The following KLF12 variants were observed in gnomAD, a reference collection of about 807,000 sequenced individuals.
The protein encoded by KLF12 is Krueppel-like factor 12.
A neutral mutation model predicts 37.8 loss-of-function variants in KLF12; 9 were observed. That is an observed-to-expected ratio of 0.24 (90% CI 0.14 to 0.42). KLF12 has a LOEUF of 0.42. Among genes scored for constraint, KLF12 ranks in the 10% least tolerant of loss-of-function variants. The probability of loss-of-function intolerance (pLI) is 1.00; values close to 1 mark genes in which losing one functional copy is unlikely to be tolerated. For synonymous variants in KLF12, 208 were observed against 202.1 expected (o/e 1.03, Z -0.25); for missense variants, 411 against 516.0 (o/e 0.80, Z 1.97).
chr13:74,302,795 C>T, the KLF12 span, among the ~76,000 whole-genome samples: 5 of 152,024 alleles, frequency 3.3e-5, no homozygotes, highest in African/African-American at 9.7e-5. Context: ...ACAGGGACAC[C>T]TTCTAAAAGG....
chr13:74,037,801 G>C (rs953333238), intron 1 of KLF12, among the ~76,000 whole-genome samples: 1 of 152,118 alleles, frequency 6.6e-6, no homozygotes. Flanking sequence ...TCTGTGGACT[G>C]GGCAATGAAT....
chr13:74,298,667 T>A, the KLF12 span, among the ~76,000 whole-genome samples: 1 of 152,208 alleles, frequency 6.6e-6, no homozygotes, highest in Non-Finnish European at 1.5e-5. Context: ...AAGTATAATG[T>A]CTTAAATTCT....
chr13:73,813,150 A>C lies in KLF12; in HGVS notation c.806+2T>G. ...AATTCATCCTGTGAATGTGATACTTACTCTTGTACTGCTCTGGCTATGGAA... is the reference window on the plus strand; with the variant it reads ...AATTCATCCTGTGAATGTGATACTTCCTCTTGTACTGCTCTGGCTATGGAA... On this transcript the variant is annotated splice_donor_variant, in intron 5 of 7. Coordinates refer to ENST00000377669, the MANE Select transcript of KLF12 (RefSeq NM_007249.5). LOFTEE classifies it high-confidence loss of function. 6.2e-7 allele frequency: 1 copy of C among 1,611,874 alleles called. No homozygotes were observed.
chr13:74,276,979 A>T, the KLF12 span, among the ~76,000 whole-genome samples: 1 of 152,198 alleles, frequency 6.6e-6, no homozygotes, highest in African/African-American at 2.4e-5. Flanking sequence ...TCCTCTGGAC[A>T]ATGCCCACGG....
chr13:74,140,274 A>G, the KLF12 span, among the ~76,000 whole-genome samples: 1 of 152,228 alleles, frequency 6.6e-6, no homozygotes, highest in Non-Finnish European at 1.5e-5. Flanking sequence ...TACAGGCTCA[A>G]TACTTTGGGA....
At chr13:73,868,102 C>T (rs565156274) in intron 3 of KLF12, among the ~76,000 whole-genome samples, 4 of 142,168 alleles carry the variant, frequency 2.8e-5, no homozygotes, top group South Asian at 4.9e-4. Flanking sequence ...GGCCTGAGGT[C>T]GGGAGTTCAA....
chr13:73,944,095 G>A, intron 2 of KLF12, 25 bp from the exon 3 acceptor site: 2 of 1,446,568 alleles, frequency 1.4e-6, no homozygotes, highest in Non-Finnish European at 1.9e-6. Context: ...GAGAGAGAAA[G>A]ATTCAGCTCT....
chr13:74,100,072 C>CGCTGGCA (rs1053154410), intron 1 of KLF12, among the ~76,000 whole-genome samples: 6 of 151,980 alleles, frequency 3.9e-5, no homozygotes, highest in Admixed American at 2.0e-4. Context: ...CATGGAGGCA[C>CGCTGGCA]GCTGGCAGCT....
At chr13:73,995,232 GGCAAAAT>G (rs778031872) in intron 1 of KLF12, among the ~76,000 whole-genome samples, 179 bp from the exon 2 acceptor site, 1 of 152,040 alleles carries the variant, frequency 6.6e-6, no homozygotes, top group African/African-American at 2.4e-5. Flanking sequence ...GCCATCAAAG[GGCAAAAT>G]GCAGTAGAGG....
intron 1 of KLF12, among the ~76,000 whole-genome samples, chr13:74,094,245 C>T (rs776030502): frequency 2.5e-4 from 38 of 151,902 alleles, no homozygotes; most frequent in Non-Finnish European, 5.0e-4. Context: ...CCTTGGTGGC[C>T]GAGAAAGCAA....
the KLF12 span, among the ~76,000 whole-genome samples, chr13:74,237,836 T>G: frequency 1.3e-5 from 2 of 152,248 alleles, no homozygotes; most frequent in African/African-American, 2.4e-5. Flanking sequence ...AAGGAGATTT[T>G]GGGCTGAGAC....
the KLF12 span, among the ~76,000 whole-genome samples, chr13:74,179,338 T>C: frequency 6.6e-6 from 1 of 152,200 alleles, no homozygotes; most frequent in African/African-American, 2.4e-5. Context: ...TCAATATGAA[T>C]GGTTGTGTCT....
the KLF12 span, among the ~76,000 whole-genome samples, chr13:74,300,979 A>G: frequency 6.6e-6 from 1 of 152,138 alleles, no homozygotes; most frequent in African/African-American, 2.4e-5. Flanking sequence ...TAGGACAATG[A>G]TTAAGCAAAT....
At chr13:73,756,889 C>T in intron 6 of KLF12, among the ~76,000 whole-genome samples, 1 of 152,140 alleles carries the variant, frequency 6.6e-6, no homozygotes, top group East Asian at 1.9e-4. Context: ...ACCCTGGGTG[C>T]TGTCCTGGCT....
the KLF12 span, among the ~76,000 whole-genome samples, chr13:74,174,318 TTTTC>T: frequency 6.6e-6 from 1 of 151,580 alleles, no homozygotes; most frequent in Non-Finnish European, 1.5e-5. Context: ...AGTCCTTTTT[TTTTC>T]TTTCTTTCTT....
intron 6 of KLF12, among the ~76,000 whole-genome samples, chr13:73,759,846 A>C (rs1879432783): frequency 6.6e-6 from 1 of 152,180 alleles, no homozygotes; most frequent in Non-Finnish European, 1.5e-5. Flanking sequence ...GTTCTACATT[A>C]GATTTCTGAG....
chr13:74,250,976 G>A, the KLF12 span, among the ~76,000 whole-genome samples: 1 of 152,102 alleles, frequency 6.6e-6, no homozygotes, highest in South Asian at 2.1e-4. Context: ...GGGAGCCCAG[G>A]ATCTCCATCC....
chr13:73,774,953 T>C (rs1880515528), intron 5 of KLF12, among the ~76,000 whole-genome samples: 1 of 150,770 alleles, frequency 6.6e-6, no homozygotes, highest in African/African-American at 2.4e-5. Context: ...AGTCTTGCTC[T>C]GTAGCCCAGG....
chr13:73,915,911 T>G (rs1287257254), intron 3 of KLF12, among the ~76,000 whole-genome samples: 1 of 151,990 alleles, frequency 6.6e-6, no homozygotes, highest in Non-Finnish European at 1.5e-5. Context: ...CTCTTTTCCA[T>G]GCAATTTTTC....
Sources: gnomAD v4.1 joint callset for allele counts (sites outside exome capture counted in the v4.1 genomes callset) on GRCh38, gnomAD v4.1.1 for gene constraint, MANE v1.5 for transcripts, NCBI Gene and HGNC (gene_info 2026-07-23, HGNC 2026-07-21) for gene names.